The following DNAAF11 variants were observed in gnomAD, a reference collection of about 807,000 sequenced individuals.
DNAAF11 encodes dynein axonemal assembly factor 11, also known as leucine rich repeat containing 6.
DNAAF11 carries 45 observed loss-of-function variants against 60.8 expected under a neutral mutation model. That is an observed-to-expected ratio of 0.74 (90% CI 0.58 to 0.95). The LOEUF is 0.95. Ranked by LOEUF, DNAAF11 falls within the 40% of genes least tolerant of loss-of-function variation. The pLI is 0.00. For missense variants in DNAAF11, 546 were observed against 546.2 expected, an observed-to-expected ratio of 1.00 and a Z score of 0.00; for synonymous variants, 191 against 183.5, an observed-to-expected ratio of 1.04 and a Z score of -0.33.
intron 4 of DNAAF11, among the ~76,000 whole-genome samples, chr8:132,634,480 T>C (rs1291243687): frequency 6.6e-6 from 1 of 152,134 alleles, no homozygotes; most frequent in Non-Finnish European, 1.5e-5. Context: ...TATGAGACCA[T>C]AATGATAAAT....
At chr8:132,577,961 C>A (rs1321290181) in intron 11 of DNAAF11, among the ~76,000 whole-genome samples, 1 of 152,150 alleles carries the variant, frequency 6.6e-6, no homozygotes, top group Non-Finnish European at 1.5e-5. Context: ...GCCACCATGC[C>A]TGGCCAGGCA....
intron 2 of DNAAF11, among the ~76,000 whole-genome samples, chr8:132,658,085 C>T (rs1586717305): frequency 6.6e-6 from 1 of 152,164 alleles, no homozygotes; most frequent in South Asian, 2.1e-4. Context: ...ATAATCATCA[C>T]CCCTATCACC....
intron 11 of DNAAF11, among the ~76,000 whole-genome samples, chr8:132,580,676 T>C (rs1259299748): frequency 6.6e-6 from 1 of 152,192 alleles, no homozygotes; most frequent in Admixed American, 6.5e-5. Flanking sequence ...GGTATGCTTA[T>C]GGAAAAGTTA....
chr8:132,636,798 T>C (rs950731793), intron 4 of DNAAF11, among the ~76,000 whole-genome samples: 1 of 152,360 alleles, frequency 6.6e-6, no homozygotes. Flanking sequence ...ATTTATTCTA[T>C]ATTCAATTAC....
At chr8:132,596,722 T>A (rs1312495282) in intron 10 of DNAAF11, among the ~76,000 whole-genome samples, 3 of 152,188 alleles carry the variant, frequency 2.0e-5, no homozygotes, top group Non-Finnish European at 2.9e-5. Context: ...TAGGCTACTT[T>A]AGCCTCACTG....
At chr8:132,660,180 T>C (rs1484147710) in intron 2 of DNAAF11, among the ~76,000 whole-genome samples, 1 of 152,112 alleles carries the variant, frequency 6.6e-6, no homozygotes, top group Non-Finnish European at 1.5e-5. Context: ...AATGATCAAA[T>C]TGGTAACAGC....
intron 3 of DNAAF11, among the ~76,000 whole-genome samples, chr8:132,639,956 AAC>A (rs1191222650): frequency 6.6e-6 from 1 of 152,226 alleles, no homozygotes; most frequent in Non-Finnish European, 1.5e-5. Context: ...TAAATGTGCA[AAC>A]ACAGAATCCA....
intron 11 of DNAAF11, among the ~76,000 whole-genome samples, chr8:132,581,930 C>T (rs747245965): frequency 1.3e-5 from 2 of 152,190 alleles, no homozygotes; most frequent in Non-Finnish European, 2.9e-5. Flanking sequence ...TGTTATGGGA[C>T]CACAAGAGGT....
At chr8:132,590,237 C>A (rs764757751) in intron 10 of DNAAF11, among the ~76,000 whole-genome samples, 1 of 152,178 alleles carries the variant, frequency 6.6e-6, no homozygotes, top group Non-Finnish European at 1.5e-5. Flanking sequence ...AAGAACCGTA[C>A]GTGCTTTCAC....
chr8:132,656,998 A>G, intron 2 of DNAAF11, 91 bp from the exon 3 acceptor site: 3 of 518,284 alleles, frequency 5.8e-6, no homozygotes, highest in African/African-American at 4.0e-5. Flanking sequence ...AAGAAAATCT[A>G]AAGATTATTA....
chr8:132,600,668 T>C (rs2129699849), intron 10 of DNAAF11, among the ~76,000 whole-genome samples: 1 of 152,280 alleles, frequency 6.6e-6, no homozygotes, highest in Middle Eastern at 3.4e-3. Flanking sequence ...AAACAAGAAA[T>C]GGGGAAAGGA....
At chr8:132,691,468 T>C in the DNAAF11 span, among the ~76,000 whole-genome samples, 5 of 152,056 alleles carry the variant, frequency 3.3e-5, no homozygotes, top group African/African-American at 1.2e-4. Flanking sequence ...GTTTCTTTCA[T>C]TGGAGAATGG....
intron 10 of DNAAF11, among the ~76,000 whole-genome samples, chr8:132,591,670 C>T (rs1436071227): frequency 6.6e-6 from 1 of 151,662 alleles, no homozygotes; most frequent in Non-Finnish European, 1.5e-5. Flanking sequence ...TTTATTATAC[C>T]TCACTAAAAT....
chr8:132,657,518 G>T (rs1196196156), intron 2 of DNAAF11, among the ~76,000 whole-genome samples: 1 of 152,184 alleles, frequency 6.6e-6, no homozygotes, highest in Non-Finnish European at 1.5e-5. Flanking sequence ...TAGACTTAAA[G>T]TTGGGTAAGA....
chr8:132,687,727 A>G, the DNAAF11 span: 1 of 455,466 alleles, frequency 2.2e-6, no homozygotes, highest in South Asian at 1.6e-5. Context: ...CAGGGCCTGA[A>G]CTCAAATCTG....
At chr8:132,671,510 T>C (rs1400908777) in intron 1 of DNAAF11, among the ~76,000 whole-genome samples, 1 of 152,198 alleles carries the variant, frequency 6.6e-6, no homozygotes, top group East Asian at 1.9e-4. Context: ...GCAGACTTAT[T>C]TTTGTACAAA....
At chr8:132,682,639 T>C in the DNAAF11 span, among the ~76,000 whole-genome samples, 1 of 152,248 alleles carries the variant, frequency 6.6e-6, no homozygotes, top group Non-Finnish European at 1.5e-5. Flanking sequence ...ACATTACTCT[T>C]CCAGTAGAAG....
At chr8:132,626,392 T>C (rs2130349044) in intron 5 of DNAAF11, among the ~76,000 whole-genome samples, 2 of 152,334 alleles carry the variant, frequency 1.3e-5, no homozygotes, top group Middle Eastern at 6.8e-3. Flanking sequence ...TTATTTTTCA[T>C]GGATAACTTC....
rs141945265 is a variant in DNAAF11 at position 132,632,819 on chromosome 8, G to C, written c.574C>G (p.Gln192Glu). ...TTGTCTTCATTTTTATCCTCTTCTT[G>C]GTGTTTCCTCTGAGCCTCTTCCTTG... Reference protein sequence around the residue: ...KLKEEAQRKHQEEDKNEDKRS... With the variant: ...KLKEEAQRKHEEEDKNEDKRS... Residue 192 changes from glutamine to glutamate, a missense_variant, in exon 5 of 12, where the codon CAA (glutamine) becomes GAA (glutamate). Physicochemically the swap from Gln to Glu is conservative, Grantham distance 29. Transcript: ENST00000620350. The C allele has an allele frequency of 1.8e-3, 2,843 of 1,613,834 alleles. 5 individuals carry two copies. Among genetic ancestry groups the C allele is most frequent in the Non-Finnish European group, 2.2e-3 (2,614 of 1,179,872 alleles).
Sources: allele counts gnomAD v4.1 joint callset (sites outside exome capture counted in the v4.1 genomes callset), GRCh38; gene constraint gnomAD v4.1.1; transcripts MANE v1.5; gene names NCBI Gene and HGNC (gene_info 2026-07-23, HGNC 2026-07-21).